RSPH3: variants seen among roughly 807,000 people sequenced by gnomAD.
RSPH3 encodes radial spoke head 3.
A neutral mutation model predicts 43.8 loss-of-function variants in RSPH3; 21 were observed. The observed-to-expected ratio is 0.48, with a 90% CI of 0.34 to 0.69. RSPH3 has a LOEUF of 0.69. Among genes scored for constraint, RSPH3 ranks in the 30% least tolerant of loss-of-function variants. The pLI is 0.01. For synonymous variants in RSPH3, 173 were observed against 179.8 expected (o/e 0.96, Z 0.30); for missense variants, 487 against 516.0 (o/e 0.94, Z 0.54).
chr6:158,979,022 C>G (rs991932961), intron 6 of RSPH3, among the ~76,000 whole-genome samples: 1 of 152,058 alleles, frequency 6.6e-6, no homozygotes, highest in African/African-American at 2.4e-5. Flanking sequence ...ACCTGAAGCC[C>G]AGGGCCTAAT....
intron 5 of RSPH3, among the ~76,000 whole-genome samples, chr6:158,982,019 A>G (rs1251089579): frequency 6.6e-6 from 1 of 152,194 alleles, no homozygotes; most frequent in African/African-American, 2.4e-5. Context: ...TGTGTCACCA[A>G]GGGTATAAAG....
At position 158,974,299 on chromosome 6, in the gene RSPH3, C is replaced by T. The variant is rs530794602; in HGVS notation, c.*3239G>A. 1 of 152,298 alleles carries T rather than the reference C, an allele frequency of 6.6e-6. No individual in the cohort carries two copies. Among genetic ancestry groups the T allele is most frequent in the East Asian group, 1.9e-4 (1 of 5,180 alleles). The allele number at this position is 152,298 out of a possible 1,614,324, so 9.4% of individuals were successfully genotyped here. A position where few individuals can be genotyped will look rare whatever the true frequency, so the allele number is the denominator to read the frequency against. On this transcript the variant is annotated 3_prime_UTR_variant, in exon 8 of 8. Coordinates refer to ENST00000367069, the MANE Select transcript of RSPH3 (RefSeq NM_031924.8). Reference sequence around the variant, plus strand: ...GCTTATAATTCCTTTAAAAGTCATACTGAGGGTCATAGTTGGGGATGTAGC... The same window carrying T: ...GCTTATAATTCCTTTAAAAGTCATATTGAGGGTCATAGTTGGGGATGTAGC...
At chr6:158,972,214 C>T (rs1583693492), downstream of RSPH3, among the ~76,000 whole-genome samples, 1 of 152,086 alleles carries the variant, frequency 6.6e-6, no homozygotes, top group African/African-American at 2.4e-5. Flanking sequence ...AAGCATCTAC[C>T]ATAGCCCAGG....
At chr6:158,995,751 C>T (rs1223142683) in intron 1 of RSPH3, among the ~76,000 whole-genome samples, 9 of 150,272 alleles carry the variant, frequency 6.0e-5, no homozygotes, top group East Asian at 2.1e-4. Context: ...CCCGCCACCA[C>T]GCCCGGCTCA....
the RSPH3 span, among the ~76,000 whole-genome samples, chr6:158,963,436 C>A: frequency 1.1e-5 from 1 of 93,080 alleles, no homozygotes; most frequent in Non-Finnish European, 2.1e-5. Flanking sequence ...CTTCCCTCCC[C>A]CTTCTTCCCC....
At position 158,999,916 on chromosome 6, in the gene RSPH3, T is replaced by A. The variant is rs542739531; in HGVS notation, c.-366A>T. ...CGCCCAGCCGCGCCACCCAGGTAGG[T>A]GCGCCTGCGCTTTGCGAGGTTCCTG... On this transcript the variant is annotated 5_prime_UTR_variant, in exon 1 of 8. Transcript: ENST00000367069. 1 of 1,612,162 alleles carries A rather than the reference T, an allele frequency of 6.2e-7. No individual in the cohort carries two copies. The highest frequency in any genetic ancestry group is 2.2e-5 in the East Asian group (1 of 44,854).
In RSPH3 at chr6:158,998,506, G is replaced by GT. The variant is rs1047551078; in HGVS notation, c.116+928dup. 3.9e-4 allele frequency among the ~76,000 whole-genome samples: 58 copies of GT among 146,890 alleles called. 1 individual carries two copies. Among genetic ancestry groups the GT allele is most frequent in the Non-Finnish European group, 6.0e-4 (40 of 66,378 alleles). On this transcript the variant is annotated intron_variant, in intron 1 of 7. Transcript: ENST00000367069. ...AGAAAAAAAAAAAGGCTTATGTTTT[G>GT]TTTTTTTTCTTTCCTATGTATGTTT... is the stretch of plus-strand genomic sequence containing the variant.
intron 2 of RSPH3, among the ~76,000 whole-genome samples, chr6:158,993,382 C>G (rs912463276): frequency 3.3e-5 from 5 of 149,386 alleles, no homozygotes; most frequent in Non-Finnish European, 7.4e-5. Context: ...TCCCAAAGTG[C>G]TGGGATTACA....
At chr6:158,985,122 C>A (rs1482019907) in intron 3 of RSPH3, among the ~76,000 whole-genome samples, 4 of 152,128 alleles carry the variant, frequency 2.6e-5, no homozygotes, top group African/African-American at 9.7e-5. Context: ...ACAGCTAGAC[C>A]CTATAGGACC....
chr6:158,980,640 T>A (rs1209222932), intron 6 of RSPH3, 134 bp downstream of exon 6: 1 of 701,506 alleles, frequency 1.4e-6, no homozygotes, highest in African/African-American at 1.8e-5. Flanking sequence ...GTACTTACTT[T>A]AAACAACTAA....
Position 158,980,859 on chromosome 6 carries a change from A to G in RSPH3, c.774T>C (p.Phe258=), listed in dbSNP as rs1433591472. 1 of 1,614,182 alleles carries G rather than the reference A, an allele frequency of 6.2e-7. No homozygotes were observed. Among genetic ancestry groups the G allele is most frequent in the Non-Finnish European group, 8.5e-7 (1 of 1,180,020 alleles). ...ETSQKIAARA[F]AQRYLADLLP... is the part of the protein sequence containing the mutation. ...GAAGGTCAGCCAGGTAACGCTGTGC[A>G]AATGCTCGGGCGGCGATTTTTTGTG... Residue 258 remains phenylalanine (F), a synonymous_variant, in exon 6 of 8, where the codon TTT becomes TTC. Coordinates refer to ENST00000367069, the MANE Select transcript of RSPH3 (RefSeq NM_031924.8).
intron 3 of RSPH3, 81 bp downstream of exon 3, chr6:158,986,199 T>C: frequency 7.1e-7 from 1 of 1,414,680 alleles, no homozygotes; most frequent in Non-Finnish European, 9.8e-7. Flanking sequence ...GCATAAGTAA[T>C]ACAAAGGCCA....
chr6:158,987,078 G>A (rs73586662), intron 2 of RSPH3, among the ~76,000 whole-genome samples: 3 of 152,092 alleles, frequency 2.0e-5, no homozygotes, highest in African/African-American at 7.2e-5. Context: ...AGAACAGGTT[G>A]TTAAAGTCTC....
intron 3 of RSPH3, among the ~76,000 whole-genome samples, chr6:158,985,384 G>A (rs1278904475): frequency 6.6e-6 from 1 of 152,180 alleles, no homozygotes; most frequent in Non-Finnish European, 1.5e-5. Context: ...TTCATGTTGG[G>A]CTATGAGAAA....
At position 158,989,317 on chromosome 6, in the gene RSPH3, G is replaced by C. The variant is rs1778332530; in HGVS notation, c.205-2896C>G. Among the ~76,000 whole-genome samples, 1 of 152,140 alleles carries C rather than the reference G, an allele frequency of 6.6e-6. No homozygotes were observed. The highest frequency in any genetic ancestry group is 2.1e-4 in the South Asian group (1 of 4,830). On this transcript the variant is annotated intron_variant, in intron 2 of 7. Transcript: ENST00000367069. This position sits in a 1 kb window ranked among gnomAD's most constrained non-coding sequence, Gnocchi z 4.3. ...CTGCCTTGGCCTCCCAAAGTGCTGG[G>C]ATTACAGGCATGAGACACTGCGCCC...
the RSPH3 span, among the ~76,000 whole-genome samples, chr6:158,967,243 G>A: frequency 0.024 from 3,667 of 151,752 alleles, 53 homozygotes; most frequent in Middle Eastern, 0.044. Context: ...TGAACTCCTC[G>A]GCAATCCACT....
In RSPH3 at chr6:158,987,705, T is replaced by C. The variant is rs548499656; in HGVS notation, c.205-1284A>G. Among the ~76,000 whole-genome samples the C allele has an allele frequency of 9.8e-4, 150 of 152,296 alleles. 1 individual carries two copies. Among genetic ancestry groups the C allele is most frequent in the African/African-American group, 3.5e-3 (144 of 41,560 alleles). On this transcript the variant is annotated intron_variant, in intron 2 of 7. Coordinates refer to ENST00000367069, the MANE Select transcript of RSPH3 (RefSeq NM_031924.8). The stretch of plus-strand genomic sequence containing the variant: ...TGTTTGCAGAGATGACAACTTATCT[T>C]AGATCACAAAGAACAGAAGCAAAGA...
downstream of RSPH3, among the ~76,000 whole-genome samples, chr6:158,972,260 A>G (rs1010656306): frequency 6.6e-6 from 1 of 152,214 alleles, no homozygotes; most frequent in Admixed American, 6.5e-5. Context: ...CAGAATTGCT[A>G]TCTACAGCAG....
chr6:158,981,047 G>C, intron 5 of RSPH3, 111 bp from the exon 6 acceptor site: 1 of 986,366 alleles, frequency 1.0e-6, no homozygotes, highest in Non-Finnish European at 1.5e-6. Context: ...TGGACAGCGA[G>C]GTGTCTATCT....
Sources: allele counts gnomAD v4.1 joint callset (sites outside exome capture counted in the v4.1 genomes callset), GRCh38; gene constraint gnomAD v4.1.1; non-coding constraint Gnocchi (gnomAD v3.1); transcripts MANE v1.5; gene names NCBI Gene and HGNC (gene_info 2026-07-23, HGNC 2026-07-21).